The following SGTA variants were observed in gnomAD, a reference collection of about 807,000 sequenced individuals.
The protein encoded by SGTA is small glutamine-rich tetratricopeptide repeat-containing protein alpha.
A neutral mutation model predicts 44.3 loss-of-function variants in SGTA; 22 were observed. The observed-to-expected ratio is 0.50, with a 90% CI of 0.36 to 0.71. The LOEUF is 0.71. Among genes scored for constraint, SGTA ranks in the 30% least tolerant of loss-of-function variants. The pLI is 0.00. For missense variants in SGTA, 341 were observed against 435.9 expected (o/e 0.78, Z 1.94); for synonymous variants, 174 against 177.6 (o/e 0.98, Z 0.16).
At chr19:2,757,215 C>G in intron 11 of SGTA, 122 bp downstream of exon 11, 1 of 1,239,960 alleles carries the variant, frequency 8.1e-7, no homozygotes, top group Non-Finnish European at 1.1e-6. Flanking sequence ...GACTCGCTGT[C>G]CAGTGTCCAG....
Position 2,767,335 on chromosome 19 carries a change from C to T in SGTA, c.208-115G>A. ...CACCAAGTTCCGAAGGACCCGGGGG[C>T]TCTGCAGGGGACTCCTGGCCCCCCA... On this transcript the variant is annotated intron_variant, in intron 3 of 11. Coordinates refer to ENST00000221566, the MANE Select transcript of SGTA (RefSeq NM_003021.4). This position sits in a 1 kb window ranked among gnomAD's most constrained non-coding sequence, Gnocchi z 7.3. The T allele has an allele frequency of 1.2e-6, 1 of 834,686 alleles. No individual in the cohort carries two copies. The highest frequency in any genetic ancestry group is 1.9e-6 in the Non-Finnish European group (1 of 526,650). The allele number at this position is 834,686 out of a possible 1,614,324, so 51.7% of individuals were successfully genotyped here.
intron 2 of SGTA, among the ~76,000 whole-genome samples, chr19:2,768,712 C>T (rs1915217589): frequency 6.6e-6 from 1 of 152,210 alleles, no homozygotes; most frequent in Non-Finnish European, 1.5e-5. Flanking sequence ...TGGAAAAAAG[C>T]CACTGGAAGG....
chr19:2,757,556 AG>A (rs1305308671), intron 10 of SGTA, 99 bp from the exon 11 acceptor site: 1 of 1,509,618 alleles, frequency 6.6e-7, no homozygotes, highest in East Asian at 2.4e-5. Context: ...CCCCAAAGAC[AG>A]GCCTGACCCC....
Position 2,765,311 on chromosome 19 carries a change from C to A in SGTA, c.293-26G>T. On this transcript the variant is annotated intron_variant, in intron 4 of 11. Transcript: ENST00000221566. The surrounding 1 kb of genome is among the most constrained non-coding windows in gnomAD (Gnocchi z 5.5). The stretch of plus-strand genomic sequence containing the variant: ...CTACAGGGAGAGAGGAAAACACCGG[C>A]CCGGTGTCCACACAGACCGGAGGGG... The A allele has an allele frequency of 1.9e-6, 3 of 1,554,058 alleles. No individual in the cohort carries two copies. The highest frequency in any genetic ancestry group is 1.8e-6 in the Non-Finnish European group (2 of 1,127,352).
Position 2,767,150 on chromosome 19 carries a change from C to T in SGTA, c.278G>A (p.Arg93His), listed in dbSNP as rs1454481670. Residue 93 changes from arginine (R) to histidine (H), a missense_variant, in exon 4 of 12, where the codon CGC (arginine) becomes CAC (histidine). Coordinates refer to ENST00000221566, the MANE Select transcript of SGTA (RefSeq NM_003021.4). The surrounding 1 kb of genome is among the most constrained non-coding windows in gnomAD (Gnocchi z 7.3). ...TCCTCCCTTACCTTCGGTTTTGAGG[C>T]GCTCTGCCTCTGCTGAGTCCTCCTC... Reference protein sequence around the residue: ...PSEEDSAEAERLKTEGNEQMK... With the variant: ...PSEEDSAEAEHLKTEGNEQMK... 10 of 1,611,492 alleles carry T rather than the reference C, an allele frequency of 6.2e-6. No individual in the cohort carries two copies. The highest frequency in any genetic ancestry group is 1.1e-5 in the South Asian group (1 of 90,486).
chr19:2,757,286 G>A (rs1034987143), intron 11 of SGTA, 51 bp downstream of exon 11: 18 of 1,582,978 alleles, frequency 1.1e-5, no homozygotes, highest in African/African-American at 6.7e-5. Flanking sequence ...AGGCACTCAC[G>A]TGGTGTCACT....
In SGTA at chr19:2,769,046, G is replaced by A. The variant is rs754530420; in HGVS notation, c.23C>T (p.Ala8Val). 3 of 1,613,948 alleles carry A rather than the reference G, an allele frequency of 1.9e-6. No homozygotes were observed. The East Asian group carries it at 6.7e-5, about 36-fold the overall frequency. The part of the protein sequence containing the change: MDNKKRL[A>V]YAIIQFLHDQ... Reference sequence around the variant, plus strand: ...ATGCAGGAACTGGATGATGGCGTAGGCCAGGCGCTTCTTGTTGTCCATCTT... The same window carrying A: ...ATGCAGGAACTGGATGATGGCGTAGACCAGGCGCTTCTTGTTGTCCATCTT... The change falls in exon 2 of 12, where the codon GCC (alanine) becomes GTC (valine). Residue 8 changes from alanine to valine, a missense_variant. Transcript: ENST00000221566.
chr19:2,780,368 C>G (rs556662031), intron 1 of SGTA, among the ~76,000 whole-genome samples: 1 of 152,276 alleles, frequency 6.6e-6, no homozygotes, highest in Admixed American at 6.5e-5. Context: ...AGTCTCCTGC[C>G]CACTCCCCAC....
chr19:2,756,120 G>A (rs1050889724), intron 11 of SGTA, among the ~76,000 whole-genome samples, 187 bp from the exon 12 acceptor site: 2 of 152,098 alleles, frequency 1.3e-5, no homozygotes, highest in African/African-American at 4.8e-5. Context: ...GGCTGGTGGC[G>A]CAGAGAACAT....
Position 2,763,805 on chromosome 19 carries a change from C to T in SGTA, c.393-48G>A. On this transcript the variant is annotated intron_variant, in intron 5 of 11. Coordinates refer to ENST00000221566, the MANE Select transcript of SGTA (RefSeq NM_003021.4). This position sits in a 1 kb window ranked among gnomAD's most constrained non-coding sequence, Gnocchi z 5.8. ...GGTCCCTCACTGGCGGCTCTGAGCC[C>T]AGCGGGCAGCCCTTGAGGGGAGCCT... 6.6e-7 allele frequency: 1 copy of T among 1,513,476 alleles called. No individual in the cohort carries two copies. The highest frequency in any genetic ancestry group is 1.2e-5 in the South Asian group (1 of 86,388). The allele number at this position is 1,513,476 out of a possible 1,614,324, so 93.8% of individuals were successfully genotyped here.
intron 5 of SGTA, among the ~76,000 whole-genome samples, chr19:2,764,577 T>C (rs1915086670): frequency 6.6e-6 from 1 of 151,960 alleles, no homozygotes; most frequent in Non-Finnish European, 1.5e-5. Flanking sequence ...TTTGTGGTTT[T>C]TTTCGGGGTT....
intron 1 of SGTA, among the ~76,000 whole-genome samples, chr19:2,771,104 G>A (rs762064266): frequency 1.3e-5 from 2 of 152,234 alleles, no homozygotes; most frequent in Non-Finnish European, 2.9e-5. Flanking sequence ...TCAGCCCAGC[G>A]CTTGGCGCCC....
chr19:2,759,611 T>A, intron 8 of SGTA: 1 of 366,734 alleles, frequency 2.7e-6, no homozygotes. Flanking sequence ...TTTTAGCTGC[T>A]GTCTGCTTTA....
intron 1 of SGTA, among the ~76,000 whole-genome samples, chr19:2,769,673 C>T (rs1915244678): frequency 6.6e-6 from 1 of 152,138 alleles, no homozygotes; most frequent in Non-Finnish European, 1.5e-5. Context: ...CAGAGGACTC[C>T]CCCCAGGGAC....
chr19:2,761,353 G>T lies in SGTA; in HGVS notation c.699+107C>A. 1 of 1,052,892 alleles carries T rather than the reference G, an allele frequency of 9.5e-7. No homozygotes were observed. Among genetic ancestry groups the T allele is most frequent in the Non-Finnish European group, 1.4e-6 (1 of 705,176 alleles). 65.2% of individuals were successfully genotyped at this position (1,052,892 alleles called of 1,614,324 possible). Reference sequence around the variant, plus strand: ...AGACAAGACCCATCTGGTTCCAGAAGCCAGCAGTGCCAAGGCAAGGAAGCC... The same window carrying T: ...AGACAAGACCCATCTGGTTCCAGAATCCAGCAGTGCCAAGGCAAGGAAGCC... On this transcript the variant is annotated intron_variant, in intron 8 of 11. Transcript: ENST00000221566. This position sits in a 1 kb window ranked among gnomAD's most constrained non-coding sequence, Gnocchi z 5.7.
At chr19:2,758,625 C>A (rs1252770742) in intron 9 of SGTA, among the ~76,000 whole-genome samples, 1 of 152,140 alleles carries the variant, frequency 6.6e-6, no homozygotes, top group Non-Finnish European at 1.5e-5. Flanking sequence ...CCAGCGAGTG[C>A]ACTCAGAAGT....
chr19:2,758,933 C>T (rs551030833), intron 9 of SGTA, among the ~76,000 whole-genome samples: 2 of 152,186 alleles, frequency 1.3e-5, no homozygotes, highest in African/African-American at 4.8e-5. Context: ...CAGGACAGGC[C>T]CATCCACAGA....
Position 2,755,342 on chromosome 19 carries a change from C to T in SGTA, c.*598G>A, listed in dbSNP as rs1406185823. On this transcript the variant is annotated 3_prime_UTR_variant, in exon 12 of 12. Coordinates refer to ENST00000221566, the MANE Select transcript of SGTA (RefSeq NM_003021.4). The surrounding 1 kb of genome is among the most constrained non-coding windows in gnomAD (Gnocchi z 5.2). ...TGCACCCAGGACGGCTCCTGAGCCG[C>T]GGAGGCGTGGGGTGACCGCAGCCGT... is the stretch of plus-strand genomic sequence containing the variant. 1.7e-5 allele frequency: 16 copies of T among 948,574 alleles called. No homozygotes were observed. The highest frequency in any genetic ancestry group is 2.3e-4 in the East Asian group (2 of 8,640). The allele number at this position is 948,574 out of a possible 1,614,324, so 58.8% of individuals were successfully genotyped here.
At chr19:2,774,955 A>G (rs891705887) in intron 1 of SGTA, among the ~76,000 whole-genome samples, 1 of 152,226 alleles carries the variant, frequency 6.6e-6, no homozygotes, top group East Asian at 1.9e-4. Context: ...GTTGTCTCAC[A>G]TGGAGTGGGG....
Sources: allele counts gnomAD v4.1 joint callset (sites outside exome capture counted in the v4.1 genomes callset), GRCh38; gene constraint gnomAD v4.1.1; non-coding constraint Gnocchi (gnomAD v3.1); transcripts MANE v1.5; gene names NCBI Gene and HGNC (gene_info 2026-07-23, HGNC 2026-07-21).